Variants in CDH13 observed in about 807,000 individuals in gnomAD.
The protein encoded by CDH13 is cadherin 13.
A neutral mutation model predicts 63.8 loss-of-function variants in CDH13; 24 were observed. That is an observed-to-expected ratio of 0.38 (90% CI 0.27 to 0.53). The LOEUF (loss-of-function observed/expected upper bound fraction) is 0.53. CDH13 is among the 20% of genes least tolerant of loss of function. The pLI, the probability that CDH13 is intolerant of heterozygous loss-of-function variation, is 0.85. For missense variants in CDH13, 1,049 were observed against 903.1 expected (o/e 1.16, Z -2.07); for synonymous variants, 503 against 355.3 (o/e 1.42, Z -4.67).
intron 1 of CDH13, among the ~76,000 whole-genome samples, chr16:82,768,671 T>A (rs2151093432): frequency 6.6e-6 from 1 of 152,304 alleles, no homozygotes; most frequent in African/African-American, 2.4e-5. Flanking sequence ...TTCAGGATCA[T>A]CCAGCCTAGT....
chr16:83,064,109 G>A (rs2031806008), intron 3 of CDH13, among the ~76,000 whole-genome samples: 1 of 152,162 alleles, frequency 6.6e-6, no homozygotes, highest in Admixed American at 6.5e-5. Context: ...GGTGGCTCAT[G>A]CCTGTAATCC....
intron 5 of CDH13, among the ~76,000 whole-genome samples, chr16:83,228,388 C>T (rs557123120): frequency 3.4e-4 from 52 of 152,274 alleles, no homozygotes; most frequent in Non-Finnish European, 6.6e-4. Flanking sequence ...GCTCAGTATT[C>T]ATCAGGTTTG....
At chr16:83,015,423 A>G (rs1914659145) in intron 2 of CDH13, among the ~76,000 whole-genome samples, 1 of 151,682 alleles carries the variant, frequency 6.6e-6, no homozygotes, top group Non-Finnish European at 1.5e-5. Context: ...AAAGAGAAAA[A>G]AAAAAGTGTC....
chr16:83,206,660 G>A lies in CDH13; in HGVS notation c.484-10685G>A, dbSNP rs546127935. On this transcript the variant is annotated intron_variant, in intron 4 of 13. Transcript: ENST00000567109. Reference sequence around the variant, plus strand: ...CAATCAGACGTGGCCACTGCTCCTAGGACCACAGAGTCTAATCAGAGAGAT... The same window carrying A: ...CAATCAGACGTGGCCACTGCTCCTAAGACCACAGAGTCTAATCAGAGAGAT... 1.1e-3 allele frequency among the ~76,000 whole-genome samples: 165 copies of A among 152,366 alleles called. 1 individual carries two copies. The highest frequency in any genetic ancestry group is 1.8e-3 in the Non-Finnish European group (123 of 68,040).
intron 6 of CDH13, among the ~76,000 whole-genome samples, chr16:83,479,527 G>A (rs1023827611): frequency 2.6e-5 from 4 of 152,204 alleles, no homozygotes; most frequent in African/African-American, 9.6e-5. Flanking sequence ...CGTAGTGGCA[G>A]ACACCTGTAG....
chr16:83,288,255 T>C (rs880913), intron 5 of CDH13, among the ~76,000 whole-genome samples: 74,963 of 152,074 alleles, frequency 0.49, 19,839 homozygotes, highest in East Asian at 0.74. Context: ...TTAGCGCCTG[T>C]CCTTGAGTGC....
chr16:83,654,339 T>C (rs973544969), intron 8 of CDH13, among the ~76,000 whole-genome samples: 1 of 152,086 alleles, frequency 6.6e-6, no homozygotes, highest in Admixed American at 6.5e-5. Context: ...GTGGGGTTTA[T>C]CTGAACATTA....
rs2150870512 is a variant in CDH13 at position 82,633,257 on chromosome 16, T to C, written c.45+6120T>C. 2.0e-5 allele frequency among the ~76,000 whole-genome samples: 3 copies of C among 152,324 alleles called. 1 individual carries two copies. In the South Asian group the frequency reaches 6.2e-4, roughly 32 times the overall value. ...TTCCATGAGTGTTGCTCCCTCACGGTATAGACATAACCAGAACGTCACAAT... is the reference window on the plus strand; with the variant it reads ...TTCCATGAGTGTTGCTCCCTCACGGCATAGACATAACCAGAACGTCACAAT... On this transcript the variant is annotated intron_variant, in intron 1 of 13. Coordinates refer to ENST00000567109, the MANE Select transcript of CDH13 (RefSeq NM_001257.5).
chr16:83,695,843 C>T (rs193179397), intron 10 of CDH13, among the ~76,000 whole-genome samples: 105 of 151,612 alleles, frequency 6.9e-4, no homozygotes, highest in Non-Finnish European at 1.2e-3. Flanking sequence ...TCGAACCTTT[C>T]GTGAGTGAAA....
intron 1 of CDH13, among the ~76,000 whole-genome samples, chr16:82,663,757 A>T (rs1334882944): frequency 6.6e-6 from 1 of 152,186 alleles, no homozygotes; most frequent in Non-Finnish European, 1.5e-5. Flanking sequence ...CCAGCCAAAG[A>T]GCCCACATAA....
At chr16:83,231,419 G>T (rs2039995239) in intron 5 of CDH13, among the ~76,000 whole-genome samples, 3 of 152,162 alleles carry the variant, frequency 2.0e-5, no homozygotes, top group Admixed American at 1.3e-4. Context: ...TCAGGATTGG[G>T]GTGAGGAGAA....
intron 6 of CDH13, among the ~76,000 whole-genome samples, chr16:83,450,542 C>A (rs983934217): frequency 6.6e-6 from 1 of 151,868 alleles, no homozygotes; most frequent in African/African-American, 2.4e-5. Flanking sequence ...TTAAATCGAA[C>A]GGAAAAAAAT....
intron 4 of CDH13, among the ~76,000 whole-genome samples, chr16:83,147,663 G>A (rs545772944): frequency 6.6e-6 from 1 of 152,054 alleles, no homozygotes; most frequent in Admixed American, 6.6e-5. Flanking sequence ...ACATCCTTAT[G>A]GGAAAGGGAC....
intron 3 of CDH13, among the ~76,000 whole-genome samples, chr16:83,042,796 A>G (rs1917441251): frequency 6.6e-6 from 1 of 152,224 alleles, no homozygotes; most frequent in African/African-American, 2.4e-5. Flanking sequence ...GACTTGGGTG[A>G]TTATATCGAT....
intron 4 of CDH13, among the ~76,000 whole-genome samples, chr16:83,143,985 G>A (rs1180675140): frequency 2.0e-5 from 3 of 152,146 alleles, no homozygotes; most frequent in African/African-American, 7.2e-5. Flanking sequence ...CTGGTTACCA[G>A]CTGTTTAACC....
At chr16:83,132,007 A>G (rs987166981) in intron 4 of CDH13, among the ~76,000 whole-genome samples, 1 of 152,222 alleles carries the variant, frequency 6.6e-6, no homozygotes, top group Non-Finnish European at 1.5e-5. Context: ...TGTTCTGTGC[A>G]TCTGATTCTT....
chr16:82,672,994 G>GTTTTTTTTT lies in CDH13; in HGVS notation c.45+45861_45+45862insTTTTTTTTT, dbSNP rs1194023626. 4.1e-3 allele frequency among the ~76,000 whole-genome samples: 109 copies of GTTTTTTTTT among 26,362 alleles called. 1 individual carries two copies. The highest frequency in any genetic ancestry group is 5.9e-3 in the Non-Finnish European group (83 of 14,102). 17.3% of individuals were successfully genotyped at this position (26,362 alleles called of 152,430 possible). ...ACCATGTATGGCTAATTTTTATAAA[G>GTTTTTTTTT]TTTTCTTTTTTTTTTTTTTTTTTTT... On this transcript the variant is annotated intron_variant, in intron 1 of 13. Coordinates refer to ENST00000567109, the MANE Select transcript of CDH13 (RefSeq NM_001257.5).
At chr16:83,094,193 G>A (rs1181794915) in intron 3 of CDH13, among the ~76,000 whole-genome samples, 6 of 152,168 alleles carry the variant, frequency 3.9e-5, no homozygotes, top group African/African-American at 1.4e-4. Flanking sequence ...TCCCAGGCAA[G>A]GCCAACAACG....
At chr16:83,532,572 A>C (rs1284219560) in intron 7 of CDH13, among the ~76,000 whole-genome samples, 1 of 152,234 alleles carries the variant, frequency 6.6e-6, no homozygotes, top group Non-Finnish European at 1.5e-5. Flanking sequence ...TAGCTTCTCC[A>C]TAAATATTTG....
Sources: allele counts gnomAD v4.1 joint callset (sites outside exome capture counted in the v4.1 genomes callset), GRCh38; gene constraint gnomAD v4.1.1; transcripts MANE v1.5; gene names NCBI Gene and HGNC (gene_info 2026-07-23, HGNC 2026-07-21).